Variants in MTFR1 observed in about 807,000 individuals in gnomAD.
MTFR1 encodes the protein mitochondrial fission regulator 1.
MTFR1 carries 28 observed loss-of-function variants against 38.8 expected under a neutral mutation model. That is an observed-to-expected ratio of 0.72 (90% confidence interval 0.53 to 0.99). The LOEUF is 0.99. Ranked by LOEUF, MTFR1 falls within the 50% of genes least tolerant of loss-of-function variation. The pLI is 0.00. For synonymous variants in MTFR1, 145 were observed against 137.0 expected (o/e 1.06, Z -0.41); for missense variants, 358 against 395.5 (o/e 0.91, Z 0.81).
intron 3 of MTFR1, among the ~76,000 whole-genome samples, chr8:65,750,449 T>A (rs991834392): frequency 3.3e-5 from 5 of 151,642 alleles, no homozygotes; most frequent in African/African-American, 9.7e-5. Flanking sequence ...GATCACACTG[T>A]ATGTATATAT....
In MTFR1 at chr8:65,709,121, C is replaced by G. The variant is rs1199331269; in HGVS notation, c.*77C>G. The G allele has an allele frequency of 2.3e-6, 3 of 1,281,714 alleles. No homozygotes were observed. Among genetic ancestry groups the G allele is most frequent in the Non-Finnish European group, 3.4e-6 (3 of 878,334 alleles). The allele number at this position is 1,281,714 out of a possible 1,614,324, so 79.4% of individuals were successfully genotyped here. A position where few individuals can be genotyped will look rare whatever the true frequency, so the allele number is the denominator to read the frequency against. On this transcript the variant is annotated 3_prime_UTR_variant, in exon 8 of 8. Coordinates refer to ENST00000262146, the MANE Select transcript of MTFR1 (RefSeq NM_014637.4). ...CCAAGTTTGCTAGTAGAAATCGACA[C>G]TGTTTAGTAAATACCTCTTTAGTAT...
chr8:65,708,181 A>G (rs1805843237), intron 7 of MTFR1, 170 bp downstream of exon 7: 7 of 1,324,506 alleles, frequency 5.3e-6, no homozygotes, highest in East Asian at 2.5e-5. Context: ...GAAAAGGATG[A>G]CATCTTTGCT....
chr8:65,727,085 A>G, intron 3 of MTFR1: 2 of 1,038,828 alleles, frequency 1.9e-6, no homozygotes, highest in Admixed American at 4.0e-5. Flanking sequence ...TTGAGAATTT[A>G]TTTTCATTAC....
chr8:65,651,605 A>G (rs545679790), intron 1 of MTFR1, among the ~76,000 whole-genome samples: 1 of 151,972 alleles, frequency 6.6e-6, no homozygotes, highest in Non-Finnish European at 1.5e-5. Context: ...AAATGAGTTT[A>G]CTGTAGACCT....
rs1288028794 is a variant in MTFR1, at chr8:65,739,998, G to C, written c.*48+20517G>C. Among the ~76,000 whole-genome samples the C allele has an allele frequency of 3.3e-5, 5 of 152,242 alleles. No homozygotes were observed. The East Asian group carries it at 9.6e-4, about 29-fold the overall frequency. On this transcript the variant is annotated intron_variant, in intron 3 of 3. Transcript: ENST00000521247. ...CATCTTGCTTTCACTGAAACTGACT[G>C]CCCCAGAGCACACTTCCTTGGCTGC... is the stretch of plus-strand genomic sequence containing the variant.
rs576228733 is a variant in MTFR1 at position 65,707,729 on chromosome 8, A to G, written c.765-114A>G. The G allele has an allele frequency of 2.0e-4, 255 of 1,304,894 alleles. 1 individual carries two copies. The African/African-American group carries it at 2.7e-3, about 14-fold the overall frequency. The allele number at this position is 1,304,894 out of a possible 1,614,324, so 80.8% of individuals were successfully genotyped here. On this transcript the variant is annotated intron_variant, in intron 6 of 7. Coordinates refer to ENST00000262146, the MANE Select transcript of MTFR1 (RefSeq NM_014637.4). ...TGCTAGCAGTATTTATCAGGTCTCTATGGAGTAGCTATGATGCTGGAGAGG... is the reference window on the plus strand; with the variant it reads ...TGCTAGCAGTATTTATCAGGTCTCTGTGGAGTAGCTATGATGCTGGAGAGG...
intron 1 of MTFR1, among the ~76,000 whole-genome samples, chr8:65,649,144 A>T (rs1373227264): frequency 6.6e-6 from 1 of 151,998 alleles, no homozygotes; most frequent in African/African-American, 2.4e-5. Context: ...ATATGGGAGG[A>T]TGTGTATAGG....
intron 2 of MTFR1, among the ~76,000 whole-genome samples, chr8:65,670,945 C>T (rs1319094245): frequency 6.6e-6 from 1 of 152,088 alleles, no homozygotes; most frequent in Non-Finnish European, 1.5e-5. Context: ...ACTGCCCACC[C>T]TGGCCTCCCA....
chr8:65,728,639 ATAAAGCATACTGCATATAAAGCAATCTC>A (rs145973076), intron 3 of MTFR1: 16,942 of 152,250 alleles, frequency 0.11, 1,170 homozygotes, highest in Middle Eastern at 0.17. Flanking sequence ...TGCATAGGAT[ATAAAGCATACTGCATATAAAGCAATCTC>A]CCCTCCTTGA....
intron 3 of MTFR1, among the ~76,000 whole-genome samples, chr8:65,759,562 G>C (rs1387166531): frequency 6.6e-6 from 1 of 152,146 alleles, no homozygotes; most frequent in Admixed American, 6.5e-5. Context: ...GTACTCTCTT[G>C]GTGACTCTAA....
chr8:65,680,233 A>G (rs1290613719), intron 2 of MTFR1, among the ~76,000 whole-genome samples: 1 of 151,828 alleles, frequency 6.6e-6, no homozygotes, highest in Non-Finnish European at 1.5e-5. Flanking sequence ...GTGCAATCCT[A>G]ACTCACTGCA....
chr8:65,700,784 A>C (rs963794376), intron 4 of MTFR1, among the ~76,000 whole-genome samples: 1 of 152,160 alleles, frequency 6.6e-6, no homozygotes, highest in Non-Finnish European at 1.5e-5. Flanking sequence ...AAAAAGCTAC[A>C]TACCTCTCTT....
intron 1 of MTFR1, among the ~76,000 whole-genome samples, chr8:65,653,402 C>T (rs1206661661): frequency 6.6e-6 from 1 of 152,078 alleles, no homozygotes; most frequent in Non-Finnish European, 1.5e-5. Context: ...ATCCCAGCTT[C>T]TCGGGAGGCT....
chr8:65,704,876 G>C lies in MTFR1; in HGVS notation c.464G>C (p.Arg155Thr), dbSNP rs1410488972. The stretch of plus-strand genomic sequence containing the variant: ...CTCGAAAATGAACTTGCTGCTCTCA[G>C]AGCTCAGATTGCCAAAATTGTGACC... ...CALENELAALRAQIAKIVTQQ... is the reference protein window; with the variant it reads ...CALENELAALTAQIAKIVTQQ... The change falls in exon 5 of 8, where the codon AGA (arginine) becomes ACA (threonine). Residue 155 changes from arginine to threonine, a missense_variant. Transcript: ENST00000262146. The C allele has an allele frequency of 5.6e-6, 9 of 1,611,388 alleles. No individual in the cohort carries two copies. The highest frequency in any genetic ancestry group is 7.6e-6 in the Non-Finnish European group (9 of 1,178,588).
chr8:65,696,886 C>A (rs1252642484), intron 4 of MTFR1, among the ~76,000 whole-genome samples: 3 of 151,580 alleles, frequency 2.0e-5, no homozygotes, highest in Non-Finnish European at 4.4e-5. Flanking sequence ...GTCTTGAACT[C>A]CTGACCTCAA....
At chr8:65,766,794 G>A (rs1322194696) in intron 3 of MTFR1, among the ~76,000 whole-genome samples, 1 of 152,170 alleles carries the variant, frequency 6.6e-6, no homozygotes, top group Non-Finnish European at 1.5e-5. Context: ...CTGAATGAAA[G>A]GGCATCAAGA....
intron 1 of MTFR1, among the ~76,000 whole-genome samples, chr8:65,645,255 A>C (rs1808922357): frequency 6.6e-6 from 1 of 152,082 alleles, no homozygotes; most frequent in Admixed American, 6.5e-5. Flanking sequence ...CTCCGGGAGG[A>C]GCAGTGCGCT....
Position 65,693,677 on chromosome 8 carries a change from C to T in MTFR1, c.199C>T (p.His67Tyr), listed in dbSNP as rs1392006603. The change falls in exon 4 of 8, where the codon CAC becomes TAC. Residue 67 changes from histidine to tyrosine, a missense_variant. By Grantham distance (83) the His-to-Tyr change is moderately conservative (BLOSUM62 2). Transcript: ENST00000262146. ...NSHATEWSPSHPGEDAVASFA... is the reference protein window; with the variant it reads ...NSHATEWSPSYPGEDAVASFA... The stretch of plus-strand genomic sequence containing the variant: ...CCATGCAACAGAATGGAGTCCCAGC[C>T]ACCCAGGAGAGGATGCAGTGGCGTC... 8.7e-6 allele frequency: 14 copies of T among 1,614,012 alleles called. No individual in the cohort carries two copies. The highest frequency in any genetic ancestry group is 1.3e-5 in the African/African-American group (1 of 74,924).
intron 2 of MTFR1, 88 bp from the exon 3 acceptor site, chr8:65,682,265 G>A: frequency 1.9e-6 from 1 of 529,704 alleles, no homozygotes. Flanking sequence ...TAATGTGTTA[G>A]TATGTCATAC....
Sources: gnomAD v4.1 joint callset for allele counts (sites outside exome capture counted in the v4.1 genomes callset) on GRCh38, gnomAD v4.1.1 for gene constraint, MANE v1.5 for transcripts, NCBI Gene and HGNC (gene_info 2026-07-23, HGNC 2026-07-21) for gene names.